The following RSPH14 variants were observed in gnomAD, a reference collection of about 807,000 sequenced individuals.
RSPH14 encodes the protein radial spoke head 14 homolog.
A neutral mutation model predicts 26.7 loss-of-function variants in RSPH14; 20 were observed. That is an observed-to-expected ratio of 0.75 (90% CI 0.53 to 1.09). RSPH14 has a LOEUF of 1.09. Among genes scored for constraint, RSPH14 ranks in the 50% least tolerant of loss-of-function variants. The pLI, the probability that RSPH14 is intolerant of heterozygous loss-of-function variation, is 0.00. For missense variants in RSPH14, 449 were observed against 457.2 expected, an observed-to-expected ratio of 0.98 and a Z score of 0.16; for synonymous variants, 177 against 189.3, an observed-to-expected ratio of 0.93 and a Z score of 0.53.
intron 4 of RSPH14, among the ~76,000 whole-genome samples, chr22:23,102,615 G>A (rs949510546): frequency 6.6e-5 from 10 of 152,240 alleles, no homozygotes; most frequent in Admixed American, 2.0e-4. Flanking sequence ...CCCCACACCT[G>A]CTCTGCCTGC....
At chr22:23,077,569 G>A (rs182465872) in intron 4 of RSPH14, among the ~76,000 whole-genome samples, 43 of 152,302 alleles carry the variant, frequency 2.8e-4, no homozygotes, top group African/African-American at 1.0e-3. Flanking sequence ...TAAACCGTGT[G>A]GTTTCAGCTC....
the RSPH14 span, among the ~76,000 whole-genome samples, chr22:23,158,493 T>C: frequency 1.3e-5 from 2 of 152,244 alleles, no homozygotes; most frequent in Non-Finnish European, 2.9e-5. Context: ...ATCCTACTTC[T>C]GCTGGGAATC....
At chr22:23,070,534 G>T (rs1033112259) in intron 4 of RSPH14, 2 of 151,322 alleles carry the variant, frequency 1.3e-5, no homozygotes, top group African/African-American at 4.8e-5. Context: ...GCCCTGCCCG[G>T]AGCAGCTCGG....
chr22:23,071,716 C>T lies in RSPH14; in HGVS notation c.422-7583G>A, dbSNP rs1475613141. 1.3e-5 allele frequency among the ~76,000 whole-genome samples: 2 copies of T among 152,122 alleles called. No homozygotes were observed. Among genetic ancestry groups the T allele is most frequent in the Non-Finnish European group, 2.9e-5 (2 of 68,024 alleles). On this transcript the variant is annotated intron_variant, in intron 4 of 6. Transcript: ENST00000216036. This position sits in a 1 kb window ranked among gnomAD's most constrained non-coding sequence, Gnocchi z 4.1. Reference sequence around the variant, plus strand: ...CGCTTGAGTGCAGGTGCAGGGGCCTCGGGAGGGACCTCAGAGTGGTGTCCT... The same window carrying T: ...CGCTTGAGTGCAGGTGCAGGGGCCTTGGGAGGGACCTCAGAGTGGTGTCCT...
At chr22:23,105,876 G>C (rs2069456050) in intron 4 of RSPH14, among the ~76,000 whole-genome samples, 1 of 152,202 alleles carries the variant, frequency 6.6e-6, no homozygotes, top group Admixed American at 6.5e-5. Context: ...TTTGGAAGAG[G>C]CCAGTCCTCC....
At chr22:23,135,838 A>G (rs2070469425) in intron 3 of RSPH14, among the ~76,000 whole-genome samples, 1 of 152,158 alleles carries the variant, frequency 6.6e-6, no homozygotes, top group Non-Finnish European at 1.5e-5. Context: ...CTGGGCCTGA[A>G]TGCATCTGAA....
At chr22:23,095,599 A>G (rs1601791823) in intron 4 of RSPH14, 1 of 1,381,742 alleles carries the variant, frequency 7.2e-7, no homozygotes, top group African/African-American at 1.5e-5. Flanking sequence ...CCTCCAGGGC[A>G]GCTGGGCTCT....
chr22:23,110,050 G>C (rs1437681831), intron 4 of RSPH14, among the ~76,000 whole-genome samples: 2 of 152,208 alleles, frequency 1.3e-5, no homozygotes, highest in African/African-American at 4.8e-5. Context: ...AACCAGATTG[G>C]ACTGTAAGTG....
At chr22:23,107,107 T>A (rs1281578097) in intron 4 of RSPH14, among the ~76,000 whole-genome samples, 2 of 152,218 alleles carry the variant, frequency 1.3e-5, no homozygotes, top group African/African-American at 2.4e-5. Flanking sequence ...CCTGTTATCT[T>A]GTTTAAACAG....
chr22:23,147,472 A>G (rs1479272213), upstream of RSPH14, among the ~76,000 whole-genome samples: 2 of 152,018 alleles, frequency 1.3e-5, no homozygotes, highest in Non-Finnish European at 2.9e-5. Flanking sequence ...CTAGGACCAC[A>G]GGCATGTGCT....
chr22:23,176,933 C>T, the RSPH14 span, among the ~76,000 whole-genome samples: 1 of 152,242 alleles, frequency 6.6e-6, no homozygotes, highest in Non-Finnish European at 1.5e-5. Context: ...TTCAGATGCT[C>T]AGTAATCACA....
Position 23,064,060 on chromosome 22 carries a change from C to T in RSPH14, c.495G>A (p.Glu165=), listed in dbSNP as rs2068149373. Residue 165 remains glutamate (E), a synonymous_variant, in exon 5 of 7, where the codon GAG becomes GAA. Transcript: ENST00000216036. ...VWKLQVEVEE[E]EFQEFILDTL... is the part of the protein sequence containing the mutation. ...TGTCCAGGATGAACTCCTGGAACTCCTCCTCCTCCACCTCCACCTGCAGCT... is the reference window on the plus strand; with the variant it reads ...TGTCCAGGATGAACTCCTGGAACTCTTCCTCCTCCACCTCCACCTGCAGCT... The T allele has an allele frequency of 7.4e-6, 12 of 1,614,040 alleles. No individual in the cohort carries two copies. The highest frequency in any genetic ancestry group is 2.2e-5 in the East Asian group (1 of 44,890).
chr22:23,162,147 GT>G, the RSPH14 span: 1 of 169,718 alleles, frequency 5.9e-6, no homozygotes, highest in Non-Finnish European at 1.3e-5. Flanking sequence ...GATGCTCAAG[GT>G]TCCTGGGCAG....
the RSPH14 span, among the ~76,000 whole-genome samples, chr22:23,178,536 G>T: frequency 8.7e-3 from 1,325 of 152,310 alleles, 22 homozygotes; most frequent in African/African-American, 0.03. Context: ...CATGCAAAAT[G>T]GGCTATTTGC....
At chr22:23,101,035 A>G (rs955756606) in intron 4 of RSPH14, among the ~76,000 whole-genome samples, 4 of 152,222 alleles carry the variant, frequency 2.6e-5, no homozygotes, top group African/African-American at 9.7e-5. Context: ...TGTTTCCAGT[A>G]AGACAGGCTT....
rs555252610 is a variant in RSPH14, at chr22:23,108,847, T to C, written c.421+25179A>G. ...CCTGCTGGAGAGGTGGTGTCCCTAT[T>C]TGGGGACTCAGTACTCTGAAGTCAG... On this transcript the variant is annotated intron_variant, in intron 4 of 6. Coordinates refer to ENST00000216036, the MANE Select transcript of RSPH14 (RefSeq NM_014433.3). Among the ~76,000 whole-genome samples the C allele has an allele frequency of 2.6e-5, 4 of 152,334 alleles. No homozygotes were observed. The South Asian group carries it at 6.2e-4, about 24-fold the overall frequency.
intron 4 of RSPH14, chr22:23,070,268 C>T (rs1395062743): frequency 1.4e-5 from 2 of 147,318 alleles, no homozygotes; most frequent in African/African-American, 2.5e-5. Context: ...ACCCCCCCGC[C>T]CGCGGTTGGC....
the RSPH14 span, chr22:23,162,305 C>A: frequency 1.2e-5 from 3 of 249,584 alleles, no homozygotes; most frequent in South Asian, 1.5e-4. Context: ...GCCTTTCTGG[C>A]CCACCTGGAC....
At chr22:23,166,786 C>T in the RSPH14 span, among the ~76,000 whole-genome samples, 1 of 152,174 alleles carries the variant, frequency 6.6e-6, no homozygotes, top group Non-Finnish European at 1.5e-5. Context: ...ACCCCTGACC[C>T]CAGCAGGCAC....
Sources: gnomAD v4.1 joint callset for allele counts (sites outside exome capture counted in the v4.1 genomes callset) on GRCh38, gnomAD v4.1.1 for gene constraint, Gnocchi (gnomAD v3.1) non-coding constraint, MANE v1.5 for transcripts, NCBI Gene and HGNC (gene_info 2026-07-23, HGNC 2026-07-21) for gene names.